Variants in RAD50 observed in about 807,000 individuals in gnomAD.
RAD50 encodes RAD50 double strand break repair protein, also known as DNA repair protein RAD50.
Under a neutral mutation model 168.8 loss-of-function variants are expected in RAD50, and 132 were observed. The observed-to-expected ratio is 0.78, with a 90% CI of 0.68 to 0.90. The LOEUF (loss-of-function observed/expected upper bound fraction) is 0.90. RAD50 is among the 40% of genes least tolerant of loss of function. The pLI, the probability that RAD50 is intolerant of heterozygous loss-of-function variation, is 0.00. For synonymous variants in RAD50, 525 were observed against 497.4 expected (o/e 1.06, Z -0.74); for missense variants, 1,347 against 1,534.4 (o/e 0.88, Z 2.04).
chr5:132,615,963 C>A, intron 19 of RAD50, 40 bp from the exon 20 acceptor site: 2 of 1,534,554 alleles, frequency 1.3e-6, no homozygotes, highest in Non-Finnish European at 1.8e-6. Context: ...ATGTTAGTAA[C>A]TTGGTTATTT....
intron 2 of RAD50, among the ~76,000 whole-genome samples, chr5:132,565,262 C>T (rs1051795067): frequency 2.0e-5 from 3 of 150,456 alleles, no homozygotes; most frequent in Admixed American, 1.3e-4. Flanking sequence ...CCAATTAAAC[C>T]TCCTTTCATT....
intron 16 of RAD50, among the ~76,000 whole-genome samples, chr5:132,607,908 A>T (rs1326571951): frequency 1.3e-5 from 2 of 152,224 alleles, no homozygotes; most frequent in Non-Finnish European, 2.9e-5. Flanking sequence ...AGAATCTTAA[A>T]GTGCTTGAGG....
At position 132,599,856 on chromosome 5, in the gene RAD50, G is replaced by A. The variant is rs1025636148; in HGVS notation, c.2208-3444G>A. The stretch of plus-strand genomic sequence containing the variant: ...CCATTTGGGCCTTCGTATCCCCCAC[G>A]TAAAGTGAGGGGATTGATTTACATG... On this transcript the variant is annotated intron_variant, in intron 13 of 24. Transcript: ENST00000378823. Among the ~76,000 whole-genome samples the A allele has an allele frequency of 4.6e-5, 7 of 152,134 alleles. No homozygotes were observed. In the South Asian group the frequency reaches 1.2e-3, roughly 27 times the overall value.
chr5:132,591,914 G>A lies in RAD50; in HGVS notation c.1673G>A (p.Arg558Lys). 6.2e-7 allele frequency: 1 copy of A among 1,608,082 alleles called. No individual in the cohort carries two copies. The highest frequency in any genetic ancestry group is 2.2e-5 in the East Asian group (1 of 44,706). Reference protein sequence around the residue: ...KDEQIRKIKSRHSDELTSLLG... With the variant: ...KDEQIRKIKSKHSDELTSLLG... ...GAACAAATCAGAAAAATAAAATCTA[G>A]GCACAGTGATGAATTAACCTCACTG... Residue 558 changes from arginine to lysine, a missense_variant, in exon 11 of 25, where the codon AGG (arginine) becomes AAG (lysine). Coordinates refer to ENST00000378823, the MANE Select transcript of RAD50 (RefSeq NM_005732.4).
chr5:132,579,854 C>G lies in RAD50; in HGVS notation c.552-8C>G, dbSNP rs1554097794. On this transcript the variant is annotated splice_region_variant and splice_polypyrimidine_tract_variant and intron_variant, in intron 4 of 24. Coordinates refer to ENST00000378823, the MANE Select transcript of RAD50 (RefSeq NM_005732.4). The stretch of plus-strand genomic sequence containing the variant: ...CAGAAATTTGATTTTTGTTTCATAT[C>G]TTCAAAGATACATTAAAGCCTTAGA... 6.2e-7 allele frequency: 1 copy of G among 1,603,514 alleles called. No individual in the cohort carries two copies. The highest frequency in any genetic ancestry group is 8.5e-7 in the Non-Finnish European group (1 of 1,170,862).
intron 21 of RAD50, among the ~76,000 whole-genome samples, chr5:132,620,939 C>G (rs1751273946): frequency 6.6e-6 from 1 of 151,858 alleles, no homozygotes; most frequent in South Asian, 2.1e-4. Context: ...CATCCTTGTC[C>G]TCTTCACATT....
At chr5:132,581,347 C>T (rs372783587) in intron 5 of RAD50, among the ~76,000 whole-genome samples, 1 of 152,018 alleles carries the variant, frequency 6.6e-6, no homozygotes. Context: ...CGCGAACTCC[C>T]GACCTCAAGT....
At position 132,579,221 on chromosome 5, in the gene RAD50, T is replaced by TA. The variant is rs1240893648; in HGVS notation, c.366-95dup. ...GGGATAGGTGAAGGGCCTTTTTTTT[T>TA]ATTCTTTTAAAGAAGTACAGTATGA... On this transcript the variant is annotated intron_variant, in intron 3 of 24. Transcript: ENST00000378823. The TA allele has an allele frequency of 2.3e-6, 3 of 1,311,182 alleles. No individual in the cohort carries two copies. In the African/African-American group the frequency reaches 4.5e-5, roughly 20 times the overall value. 81.2% of individuals were successfully genotyped at this position (1,311,182 alleles called of 1,614,324 possible). A position where few individuals can be genotyped will look rare whatever the true frequency, so the allele number is the denominator to read the frequency against.
rs913840269 is a variant in RAD50, at chr5:132,623,963, C to T, written c.3389+5669C>T. 4.6e-5 allele frequency among the ~76,000 whole-genome samples: 7 copies of T among 152,204 alleles called. No homozygotes were observed. In the South Asian group the frequency reaches 1.2e-3, roughly 27 times the overall value. On this transcript the variant is annotated intron_variant, in intron 21 of 24. Coordinates refer to ENST00000378823, the MANE Select transcript of RAD50 (RefSeq NM_005732.4). ...TGGCATATACAAGTTTTAGGAAGTA[C>T]GTAATCATGTAAGACAAATTAGATC...
At chr5:132,602,822 G>C (rs1477437170) in intron 13 of RAD50, among the ~76,000 whole-genome samples, 1 of 152,040 alleles carries the variant, frequency 6.6e-6, no homozygotes, top group Non-Finnish European at 1.5e-5. Flanking sequence ...GCATCTAGTT[G>C]TTATTTCTCC....
At chr5:132,583,727 C>CTT (rs1444001190) in intron 5 of RAD50, among the ~76,000 whole-genome samples, 34 of 125,326 alleles carry the variant, frequency 2.7e-4, no homozygotes, top group Non-Finnish European at 4.5e-4. Flanking sequence ...GAGTTTCACT[C>CTT]TTATTGCCCA....
chr5:132,622,127 AT>A (rs1561652679), intron 21 of RAD50, among the ~76,000 whole-genome samples: 1 of 150,580 alleles, frequency 6.6e-6, no homozygotes, highest in Non-Finnish European at 1.5e-5. Flanking sequence ...TATAAGTTCT[AT>A]TTTGTTCTTT....
rs568233577 is a variant in RAD50 at position 132,587,297 on chromosome 5, G to A, written c.757-265G>A. ...CCAATGAATGAATAATGACTTTTGT[G>A]GCAGGTGTTGAGGACAGGACATGGT... On this transcript the variant is annotated intron_variant, in intron 5 of 24. Coordinates refer to ENST00000378823, the MANE Select transcript of RAD50 (RefSeq NM_005732.4). 4.6e-5 allele frequency among the ~76,000 whole-genome samples: 7 copies of A among 152,284 alleles called. No individual in the cohort carries two copies. In the East Asian group the frequency reaches 1.2e-3, roughly 25 times the overall value.
At chr5:132,592,821 CT>C (rs1750728625) in intron 11 of RAD50, 2 of 470,842 alleles carry the variant, frequency 4.2e-6, no homozygotes, top group Admixed American at 2.3e-5. Flanking sequence ...TGAAGAAATG[CT>C]TTAGGAACTT....
intron 19 of RAD50, among the ~76,000 whole-genome samples, chr5:132,615,791 G>C (rs956589295): frequency 1.3e-5 from 2 of 152,200 alleles, no homozygotes; most frequent in Non-Finnish European, 2.9e-5. Flanking sequence ...CTGCGCTACA[G>C]GAGGTATTAC....
chr5:132,582,406 C>CT (rs35412646), intron 5 of RAD50, among the ~76,000 whole-genome samples: 12 of 151,916 alleles, frequency 7.9e-5, no homozygotes, highest in Admixed American at 1.3e-4. Context: ...TTCCAAAGTC[C>CT]TTTTTTTTAG....
chr5:132,618,317 T>C (rs1270138074), intron 21 of RAD50, 23 bp downstream of exon 21: 1 of 1,613,328 alleles, frequency 6.2e-7, no homozygotes, highest in East Asian at 2.2e-5. Flanking sequence ...CTGGGGATTT[T>C]CTTATTGCAG....
rs750758481 is a variant in RAD50, at chr5:132,603,476, T to C, written c.2384T>C (p.Met795Thr). The C allele has an allele frequency of 3.1e-6, 5 of 1,613,718 alleles. No individual in the cohort carries two copies. Among genetic ancestry groups the C allele is most frequent in the East Asian group, 2.2e-5 (1 of 44,824 alleles). The change falls in exon 14 of 25, where the codon ATG (methionine) becomes ACG (threonine). Residue 795 changes from methionine to threonine, a missense_variant. Met to Thr is a moderately conservative substitution (Grantham distance 81). Transcript: ENST00000378823. ...GTATGCCTGACAGATGTTACAATTA[T>C]GGAGAGGTTCCAGGTAAGTTTATTG... Reference protein sequence around the residue: ...AKVCLTDVTIMERFQMELKDV... With the variant: ...AKVCLTDVTITERFQMELKDV...
chr5:132,581,268 TA>T (rs59854163), intron 5 of RAD50, among the ~76,000 whole-genome samples: 16,432 of 144,592 alleles, frequency 0.11, 2,801 homozygotes, highest in African/African-American at 0.38. Flanking sequence ...CCCGGCTAAA[TA>T]AAAAAAAAAA....
Sources: gnomAD v4.1 joint callset for allele counts (sites outside exome capture counted in the v4.1 genomes callset) on GRCh38, gnomAD v4.1.1 for gene constraint, MANE v1.5 for transcripts, NCBI Gene and HGNC (gene_info 2026-07-23, HGNC 2026-07-21) for gene names.